Variants in BRINP3 observed in about 807,000 individuals in gnomAD.
BRINP3 encodes BMP/retinoic acid-inducible neural-specific protein 3.
Under a neutral mutation model 71.0 loss-of-function variants are expected in BRINP3, and 19 were observed. The observed-to-expected ratio is 0.27, with a 90% confidence interval of 0.19 to 0.39. The LOEUF (loss-of-function observed/expected upper bound fraction) is 0.39, where lower values mean the gene tolerates loss of function less well. Ranked by LOEUF, BRINP3 falls within the 10% of genes least tolerant of loss-of-function variation. The pLI is 1.00. For missense variants in BRINP3, 959 were observed against 940.8 expected (o/e 1.02, Z -0.25); for synonymous variants, 380 against 337.7 (o/e 1.13, Z -1.37).
chr1:190,137,645 A>G (rs1472654976), intron 7 of BRINP3, among the ~76,000 whole-genome samples: 2 of 152,152 alleles, frequency 1.3e-5, no homozygotes, highest in East Asian at 3.9e-4. Context: ...CCAGGTTGAC[A>G]AGAAGTGATA....
At chr1:190,433,739 A>C (rs1429426666) in intron 2 of BRINP3, among the ~76,000 whole-genome samples, 1 of 152,190 alleles carries the variant, frequency 6.6e-6, no homozygotes, top group Non-Finnish European at 1.5e-5. Context: ...GAAAAGTAGA[A>C]ATCAATCTTG....
At chr1:190,456,929 C>G (rs578169687) in intron 1 of BRINP3, among the ~76,000 whole-genome samples, 1 of 152,214 alleles carries the variant, frequency 6.6e-6, no homozygotes, top group Admixed American at 6.5e-5. Context: ...ATGAAGTTCT[C>G]TTATTAACAA....
intron 2 of BRINP3, among the ~76,000 whole-genome samples, chr1:190,415,740 A>G (rs1261479129): frequency 1.3e-5 from 2 of 151,950 alleles, no homozygotes; most frequent in East Asian, 3.9e-4. Flanking sequence ...TTATAGAAAA[A>G]CATTTTTTAA....
At chr1:190,365,707 T>C (rs927927954) in intron 2 of BRINP3, among the ~76,000 whole-genome samples, 1 of 145,906 alleles carries the variant, frequency 6.9e-6, no homozygotes, top group Non-Finnish European at 1.5e-5. Flanking sequence ...AATATTATAT[T>C]ATAATAGTGC....
chr1:190,410,085 TAATA>T (rs762509032), intron 2 of BRINP3, among the ~76,000 whole-genome samples: 6 of 152,174 alleles, frequency 3.9e-5, no homozygotes, highest in Non-Finnish European at 2.9e-5. Context: ...CTTTGCTCTT[TAATA>T]GTTTCCTTCA....
At chr1:190,101,903 A>G (rs547252578) in intron 7 of BRINP3, among the ~76,000 whole-genome samples, 2 of 152,290 alleles carry the variant, frequency 1.3e-5, no homozygotes, top group Non-Finnish European at 2.9e-5. Flanking sequence ...GTCTTTTCCA[A>G]TCCTTTGCAT....
At chr1:190,142,271 C>T (rs1019916189) in intron 7 of BRINP3, among the ~76,000 whole-genome samples, 4 of 152,022 alleles carry the variant, frequency 2.6e-5, no homozygotes, top group African/African-American at 4.8e-5. Flanking sequence ...AAATGAACAA[C>T]ATAATTGAAG....
chr1:190,463,412 C>T (rs1325613963), intron 1 of BRINP3, among the ~76,000 whole-genome samples: 1 of 150,802 alleles, frequency 6.6e-6, no homozygotes, highest in African/African-American at 2.4e-5. Flanking sequence ...GTGATAATAG[C>T]GTGAAAATTC....
At chr1:190,201,786 G>A (rs533770497) in intron 6 of BRINP3, among the ~76,000 whole-genome samples, 144 of 152,282 alleles carry the variant, frequency 9.5e-4, no homozygotes, top group Admixed American at 2.6e-3. Context: ...CATGGTTTTC[G>A]GCCTGTGAAT....
chr1:190,311,761 A>G (rs926994829), intron 2 of BRINP3, among the ~76,000 whole-genome samples: 4 of 150,950 alleles, frequency 2.6e-5, no homozygotes, highest in East Asian at 3.9e-4. Flanking sequence ...TGGTGACACT[A>G]AAGATAGAGA....
chr1:190,099,679 G>A (rs1241874231), intron 7 of BRINP3, among the ~76,000 whole-genome samples: 2 of 152,166 alleles, frequency 1.3e-5, no homozygotes, highest in African/African-American at 4.8e-5. Flanking sequence ...GTCAATCAGT[G>A]TATTTAGATG....
At chr1:190,382,464 T>TA (rs994896684) in intron 2 of BRINP3, among the ~76,000 whole-genome samples, 4 of 152,008 alleles carry the variant, frequency 2.6e-5, no homozygotes, top group African/African-American at 9.7e-5. Flanking sequence ...GCAAGAAGTT[T>TA]AAAAAAAATC....
intron 2 of BRINP3, among the ~76,000 whole-genome samples, chr1:190,308,188 A>G (rs917726382): frequency 6.7e-6 from 1 of 150,274 alleles, no homozygotes; most frequent in Non-Finnish European, 1.5e-5. Flanking sequence ...TTGAGAAGAC[A>G]TAAGAACACT....
chr1:190,098,133 C>A lies in BRINP3; in HGVS notation c.2186G>T (p.Arg729Leu), dbSNP rs553670519. 3.3e-5 allele frequency: 53 copies of A among 1,614,102 alleles called. 1 individual carries two copies. The South Asian group carries it at 4.9e-4, about 15-fold the overall frequency. ...RRLDLFSCLL[R>L]HRLKLSTSEV... Reference sequence around the variant, plus strand: ...ACTAGTAGACAGCTTGAGTCTATGACGAAGCAAGCAAGAGAAAAGATCTAG... The same window carrying A: ...ACTAGTAGACAGCTTGAGTCTATGAAGAAGCAAGCAAGAGAAAAGATCTAG... The change falls in exon 8 of 8, where the codon CGT becomes CTT. Residue 729 changes from arginine to leucine, a missense_variant. Physicochemically the swap from Arg to Leu is moderately radical, Grantham distance 102 (BLOSUM62 -2). Transcript: ENST00000367462.
intron 2 of BRINP3, among the ~76,000 whole-genome samples, chr1:190,312,888 T>A (rs1665631365): frequency 6.6e-6 from 1 of 151,894 alleles, no homozygotes; most frequent in Admixed American, 6.6e-5. Flanking sequence ...TAACCTGTTC[T>A]GGGAATATGT....
At chr1:190,459,187 G>A (rs1232065667) in intron 1 of BRINP3, among the ~76,000 whole-genome samples, 1 of 149,014 alleles carries the variant, frequency 6.7e-6, no homozygotes, top group Non-Finnish European at 1.5e-5. Context: ...AAGTTTATTT[G>A]CAAATCCTCA....
chr1:190,433,871 T>A (rs1260237623), intron 2 of BRINP3, among the ~76,000 whole-genome samples: 1 of 152,164 alleles, frequency 6.6e-6, no homozygotes, highest in Non-Finnish European at 1.5e-5. Context: ...ATGTGTGTGC[T>A]GTAAAAAGTT....
intron 2 of BRINP3, among the ~76,000 whole-genome samples, chr1:190,287,458 A>G (rs815159): frequency 0.59 from 89,787 of 151,820 alleles, 26,768 homozygotes; most frequent in Admixed American, 0.69. Flanking sequence ...ATAGTAGTAG[A>G]GTTTAATTTT....
rs373308679 is a variant in BRINP3 at position 190,365,416 on chromosome 1, G to A, written c.237-83666C>T. 1.1e-4 allele frequency among the ~76,000 whole-genome samples: 16 copies of A among 151,442 alleles called. No homozygotes were observed. In the South Asian group the frequency reaches 3.1e-3, roughly 30 times the overall value. On this transcript the variant is annotated intron_variant, in intron 2 of 7. Transcript: ENST00000367462. The stretch of plus-strand genomic sequence containing the variant: ...CCTGCAATTCTGAACAAACTAGACA[G>A]AATCCCAGCTGTCATCAAGCTTACA...
Sources: gnomAD v4.1 joint callset for allele counts (sites outside exome capture counted in the v4.1 genomes callset) on GRCh38, gnomAD v4.1.1 for gene constraint, MANE v1.5 for transcripts, NCBI Gene and HGNC (gene_info 2026-07-23, HGNC 2026-07-21) for gene names.